Variants in EBF1 observed in about 807,000 individuals in gnomAD.
The protein encoded by EBF1 is transcription factor COE1.
EBF1 carries 10 observed loss-of-function variants against 68.4 expected under a neutral mutation model. The observed-to-expected ratio is 0.15, with a 90% CI of 0.09 to 0.25. The LOEUF (loss-of-function observed/expected upper bound fraction) is 0.25. Ranked by LOEUF, EBF1 falls within the 10% of genes least tolerant of loss-of-function variation. The pLI is 1.00. For synonymous variants in EBF1, 298 were observed against 299.8 expected (o/e 0.99, Z 0.06); for missense variants, 509 against 794.4 (o/e 0.64, Z 4.32).
intron 11 of EBF1, among the ~76,000 whole-genome samples, chr5:158,723,389 C>T (rs1762333092): frequency 6.6e-6 from 1 of 152,136 alleles, no homozygotes; most frequent in Admixed American, 6.5e-5. Context: ...GATGTATTAG[C>T]AGCGTAAACA....
intron 10 of EBF1, among the ~76,000 whole-genome samples, chr5:158,740,641 C>T (rs749508592): frequency 2.6e-5 from 4 of 152,160 alleles, no homozygotes; most frequent in Admixed American, 6.5e-5. Flanking sequence ...TGCCATGCAG[C>T]GAGCTACAAT....
intron 6 of EBF1, among the ~76,000 whole-genome samples, chr5:159,053,158 C>G (rs1240913492): frequency 6.6e-6 from 1 of 152,194 alleles, no homozygotes; most frequent in Non-Finnish European, 1.5e-5. Context: ...TCAGACACTG[C>G]AAGGTTGGCA....
chr5:159,014,241 T>C (rs1438979504), intron 6 of EBF1, among the ~76,000 whole-genome samples: 1 of 152,184 alleles, frequency 6.6e-6, no homozygotes, highest in Non-Finnish European at 1.5e-5. Flanking sequence ...GGCAGAAGAT[T>C]CCAAAGTATT....
chr5:158,904,778 A>G (rs1188733243), intron 6 of EBF1, among the ~76,000 whole-genome samples: 1 of 152,088 alleles, frequency 6.6e-6, no homozygotes, highest in Non-Finnish European at 1.5e-5. Context: ...CCCTTTATAC[A>G]AGGCACATGC....
At chr5:158,903,762 G>A (rs1803954374) in intron 6 of EBF1, among the ~76,000 whole-genome samples, 2 of 152,180 alleles carry the variant, frequency 1.3e-5, no homozygotes, top group Non-Finnish European at 2.9e-5. Flanking sequence ...ACAATCAGTG[G>A]CTTTACTATC....
chr5:158,703,601 T>A (rs62386867), intron 15 of EBF1, among the ~76,000 whole-genome samples: 73 of 95,022 alleles, frequency 7.7e-4, no homozygotes, highest in Admixed American at 1.3e-3. Flanking sequence ...AGTTGCTTTT[T>A]CAAAAAAAAA....
At chr5:159,073,877 A>G (rs1584432976) in intron 5 of EBF1, 1 of 157,448 alleles carries the variant, frequency 6.4e-6, no homozygotes, top group South Asian at 2.0e-4. Context: ...ATAATGAGGT[A>G]TGAGTGATTT....
intron 6 of EBF1, among the ~76,000 whole-genome samples, chr5:158,856,845 G>T (rs1794110956): frequency 6.6e-6 from 1 of 152,152 alleles, no homozygotes; most frequent in South Asian, 2.1e-4. Context: ...CTGCAACTGG[G>T]CTAAGAATCT....
At chr5:159,090,673 A>T (rs923932559) in intron 4 of EBF1, among the ~76,000 whole-genome samples, 1 of 152,162 alleles carries the variant, frequency 6.6e-6, no homozygotes, top group South Asian at 2.1e-4. Flanking sequence ...TTCAAACACC[A>T]TAAAAAACTA....
At chr5:158,791,318 CAAAAAA>C (rs70987931) in intron 9 of EBF1, among the ~76,000 whole-genome samples, 1 of 69,096 alleles carries the variant, frequency 1.4e-5, no homozygotes, top group Non-Finnish European at 3.1e-5. Flanking sequence ...GATTCCATCT[CAAAAAA>C]AAAAAAAAAA....
intron 6 of EBF1, among the ~76,000 whole-genome samples, chr5:158,923,286 C>A (rs554557760): frequency 3.2e-4 from 49 of 152,262 alleles, no homozygotes; most frequent in African/African-American, 1.2e-3. Context: ...CAAAGTATAT[C>A]CCCAACCTTA....
At chr5:158,944,757 C>A (rs750188353) in intron 6 of EBF1, among the ~76,000 whole-genome samples, 30 of 152,296 alleles carry the variant, frequency 2.0e-4, no homozygotes, top group Admixed American at 1.4e-3. Context: ...GAATGATCAC[C>A]ATTCTAACTG....
chr5:158,708,236 T>A lies in EBF1; in HGVS notation c.1550-63A>T, dbSNP rs190114529. 63 of 1,500,096 alleles carry A rather than the reference T, an allele frequency of 4.2e-5. No individual in the cohort carries two copies. The African/African-American group carries it at 7.4e-4, about 18-fold the overall frequency. The allele number at this position is 1,500,096 out of a possible 1,614,324, so 92.9% of individuals were successfully genotyped here. A position where few individuals can be genotyped will look rare whatever the true frequency, so the allele number is the denominator to read the frequency against. Reference sequence around the variant, plus strand: ...TCATGGCATCCTGAAGCAAAGAAGCTCAGATCCATCCCTCACCCAGCCACC... The same window carrying A: ...TCATGGCATCCTGAAGCAAAGAAGCACAGATCCATCCCTCACCCAGCCACC... On this transcript the variant is annotated intron_variant, in intron 14 of 15. Coordinates refer to ENST00000313708, the MANE Select transcript of EBF1 (RefSeq NM_024007.5).
intron 8 of EBF1, among the ~76,000 whole-genome samples, chr5:158,802,035 T>C (rs894777139): frequency 6.6e-6 from 1 of 151,976 alleles, no homozygotes; most frequent in Admixed American, 6.6e-5. Context: ...TTACCTCGGG[T>C]TTTATGGGTA....
At chr5:159,043,762 G>A (rs1371039348) in intron 6 of EBF1, among the ~76,000 whole-genome samples, 2 of 152,166 alleles carry the variant, frequency 1.3e-5, no homozygotes. Flanking sequence ...ATGTCTCTCG[G>A]CACTTCATAC....
intron 6 of EBF1, among the ~76,000 whole-genome samples, chr5:158,942,479 G>A (rs1390161127): frequency 6.6e-6 from 1 of 152,188 alleles, no homozygotes; most frequent in Non-Finnish European, 1.5e-5. Flanking sequence ...TTAGCACAGT[G>A]TTTGACACGT....
At chr5:158,801,905 C>A (rs997893618) in intron 8 of EBF1, among the ~76,000 whole-genome samples, 4 of 152,130 alleles carry the variant, frequency 2.6e-5, no homozygotes, top group Non-Finnish European at 5.9e-5. Context: ...CCTGCACACT[C>A]GCACTGGGAG....
Position 158,860,744 on chromosome 5 carries a change from T to TC in EBF1, c.555-20635dup, listed in dbSNP as rs568370031. 1.3e-3 allele frequency among the ~76,000 whole-genome samples: 199 copies of TC among 152,286 alleles called. 1 individual carries two copies. The highest frequency in any genetic ancestry group is 4.3e-3 in the African/African-American group (179 of 41,570). On this transcript the variant is annotated intron_variant, in intron 6 of 15. Coordinates refer to ENST00000313708, the MANE Select transcript of EBF1 (RefSeq NM_024007.5). ...ATGGCTCAGACTCTTTTGCTCCTTC[T>TC]CCCCTTCAGTCCAAGCCCATGGCGC... is the stretch of plus-strand genomic sequence containing the variant.
At position 158,714,199 on chromosome 5, in the gene EBF1, A is replaced by G; in HGVS notation, c.1126-17T>C. The G allele has an allele frequency of 6.2e-7, 1 of 1,614,132 alleles. No homozygotes were observed. The highest frequency in any genetic ancestry group is 8.5e-7 in the Non-Finnish European group (1 of 1,179,928). ...TATTACTTCCTGTCAAGAGAAAAGCAGATACAATCCTTTGAGTGAAGGCAG... is the reference window on the plus strand; with the variant it reads ...TATTACTTCCTGTCAAGAGAAAAGCGGATACAATCCTTTGAGTGAAGGCAG... On this transcript the variant is annotated splice_polypyrimidine_tract_variant and intron_variant, in intron 11 of 15. Coordinates refer to ENST00000313708, the MANE Select transcript of EBF1 (RefSeq NM_024007.5).
Sources: allele counts gnomAD v4.1 joint callset (sites outside exome capture counted in the v4.1 genomes callset), GRCh38; gene constraint gnomAD v4.1.1; transcripts MANE v1.5; gene names NCBI Gene and HGNC (gene_info 2026-07-23, HGNC 2026-07-21).